MTMR2: variants seen among roughly 807,000 people sequenced by gnomAD.
The protein encoded by MTMR2 is myotubularin related protein 2.
Under a neutral mutation model 86.9 loss-of-function variants are expected in MTMR2, and 55 were observed. The ratio of observed to expected loss-of-function variants is 0.63; its 90% CI spans 0.51 to 0.79. The LOEUF is 0.79. Ranked by LOEUF, MTMR2 falls within the 30% of genes least tolerant of loss-of-function variation. The probability of loss-of-function intolerance (pLI) is 0.00; values close to 1 mark genes in which losing one functional copy is unlikely to be tolerated. For synonymous variants in MTMR2, 241 were observed against 266.8 expected (o/e 0.90, Z 0.94); for missense variants, 659 against 772.3 (o/e 0.85, Z 1.74).
At chr11:95,914,487 A>C (rs1390248300) in intron 1 of MTMR2, among the ~76,000 whole-genome samples, 2 of 152,166 alleles carry the variant, frequency 1.3e-5, no homozygotes, top group East Asian at 3.9e-4. Context: ...TTTGAATGAA[A>C]TGATACTACC....
chr11:95,918,640 C>A (rs1269470812), intron 1 of MTMR2, among the ~76,000 whole-genome samples: 1 of 152,092 alleles, frequency 6.6e-6, no homozygotes, highest in Non-Finnish European at 1.5e-5. Flanking sequence ...ATACAAGGTA[C>A]TACTAATAAT....
intron 1 of MTMR2, chr11:95,914,341 G>C: frequency 7.1e-6 from 7 of 984,086 alleles, no homozygotes; most frequent in Non-Finnish European, 8.4e-6. Context: ...GAACTTAGGG[G>C]AATTCAGAAA....
chr11:95,850,845 T>C, intron 7 of MTMR2, 96 bp from the exon 8 acceptor site: 1 of 1,128,382 alleles, frequency 8.9e-7, no homozygotes. Context: ...CTCTGACCTC[T>C]ACTATCCATC....
rs551765216 is a variant in MTMR2, at chr11:95,889,515, T to TG, written c.81-1255dup. 1.3e-3 allele frequency among the ~76,000 whole-genome samples: 153 copies of TG among 117,542 alleles called. 1 individual carries two copies. Among genetic ancestry groups the TG allele is most frequent in the African/African-American group, 5.0e-3 (143 of 28,738 alleles). The allele number at this position is 117,542 out of a possible 152,430, so 77.1% of individuals were successfully genotyped here. ...CCAAGAACAAAAATTATGTCTTTTT[T>TG]GGGGGGGGAGGGGGGCGGGGGAGAA... is the stretch of plus-strand genomic sequence containing the variant. On this transcript the variant is annotated intron_variant, in intron 1 of 14. Transcript: ENST00000346299.
At chr11:95,843,524 A>G (rs537691543) in intron 11 of MTMR2, among the ~76,000 whole-genome samples, 5 of 152,322 alleles carry the variant, frequency 3.3e-5, no homozygotes, top group African/African-American at 1.2e-4. Flanking sequence ...TCAAAGAAGA[A>G]TATCTACAAT....
chr11:95,841,519 C>T (rs890615661), intron 12 of MTMR2, 98 bp downstream of exon 12: 14 of 863,410 alleles, frequency 1.6e-5, no homozygotes, highest in African/African-American at 1.5e-4. Flanking sequence ...CAAGAATTTC[C>T]ATTTAATGAT....
chr11:95,840,391 A>G (rs1863494560), intron 12 of MTMR2, among the ~76,000 whole-genome samples: 1 of 152,118 alleles, frequency 6.6e-6, no homozygotes, highest in African/African-American at 2.4e-5. Flanking sequence ...CAAACATCCA[A>G]AAAAGGATTG....
intron 1 of MTMR2, among the ~76,000 whole-genome samples, chr11:95,900,345 C>A (rs942056839): frequency 6.6e-6 from 1 of 152,028 alleles, no homozygotes; most frequent in South Asian, 2.1e-4. Flanking sequence ...AGATATAAAA[C>A]AAGATTTAAT....
intron 1 of MTMR2, among the ~76,000 whole-genome samples, chr11:95,902,656 C>G (rs768803796): frequency 6.6e-6 from 1 of 152,138 alleles, no homozygotes; most frequent in Non-Finnish European, 1.5e-5. Context: ...TGACCTTTAT[C>G]TCTAGCTCTT....
At chr11:95,853,753 C>G (rs1400169599) in intron 7 of MTMR2, among the ~76,000 whole-genome samples, 1 of 152,116 alleles carries the variant, frequency 6.6e-6, no homozygotes, top group Admixed American at 6.5e-5. Flanking sequence ...CATATTTTAG[C>G]CACTAGTATT....
At position 95,835,469 on chromosome 11, in the gene MTMR2, A is replaced by G. The variant is rs745726744; in HGVS notation, c.1771-18T>C. 3 of 1,588,992 alleles carry G rather than the reference A, an allele frequency of 1.9e-6. No individual in the cohort carries two copies. ...ATAGGTTCCTGCAAGAGCAAAACAT[A>G]AAATATTCAACTAGGCAATCCTGAC... On this transcript the variant is annotated intron_variant, in intron 14 of 14. Coordinates refer to ENST00000346299, the MANE Select transcript of MTMR2 (RefSeq NM_016156.6).
chr11:95,857,574 G>C lies in MTMR2; in HGVS notation c.632C>G (p.Pro211Arg). The change falls in exon 7 of 15, where the codon CCT becomes CGT. Residue 211 changes from proline to arginine, a missense_variant. By Grantham distance (103) the Pro-to-Arg change is moderately radical (BLOSUM62 -2). This residue lies in a region of MTMR2 where 387 missense variants were observed against 526.3 expected (regional missense o/e 0.74). Transcript: ENST00000346299. ...TACCTGCCTTCTATACTCTAAAAGA[G>C]GGTCATATAGCTTCCACCCATTTTC... ...FPENGWKLYD[P>R]LLEYRRQGIP... 2 of 1,611,462 alleles carry C rather than the reference G, an allele frequency of 1.2e-6. No individual in the cohort carries two copies. Among genetic ancestry groups the C allele is most frequent in the African/African-American group, 1.3e-5 (1 of 74,924 alleles).
In MTMR2 at chr11:95,836,262, A is replaced by C; in HGVS notation, c.1656T>G (p.Thr552=). 1.2e-6 allele frequency: 2 copies of C among 1,613,068 alleles called. No individual in the cohort carries two copies. The highest frequency in any genetic ancestry group is 1.7e-6 in the Non-Finnish European group (2 of 1,179,204). ...SYINSQLEDF[T]NPLYGSYSNH... ...TGGAATAGCTCCCATAGAGAGGATTAGTGAAGTCTTCCAGCTGGCTGTTTA... is the reference window on the plus strand; with the variant it reads ...TGGAATAGCTCCCATAGAGAGGATTCGTGAAGTCTTCCAGCTGGCTGTTTA... The change falls in exon 14 of 15, where the codon ACT becomes ACG. Residue 552 remains threonine, a synonymous_variant. Transcript: ENST00000346299.
intron 1 of MTMR2, among the ~76,000 whole-genome samples, chr11:95,911,732 C>T (rs1292123365): frequency 6.6e-6 from 1 of 152,126 alleles, no homozygotes; most frequent in Non-Finnish European, 1.5e-5. Flanking sequence ...ATTAACCCTT[C>T]CATCCCAAAC....
In MTMR2 at chr11:95,862,030, G is replaced by T; in HGVS notation, c.430C>A (p.Arg144=). The T allele has an allele frequency of 6.2e-7, 1 of 1,613,614 alleles. No homozygotes were observed. The highest frequency in any genetic ancestry group is 1.1e-5 in the South Asian group (1 of 91,066). Residue 144 remains arginine (R), a synonymous_variant, in exon 5 of 15, where the codon CGA becomes AGA. Coordinates refer to ENST00000346299, the MANE Select transcript of MTMR2 (RefSeq NM_016156.6). ...RVEKIGGASS[R]GENSYGLETV... is the part of the protein sequence containing the mutation. Reference sequence around the variant, plus strand: ...TCTAGTCCATAAGAATTTTCACCTCGACTAGAAGCACCACCAATTTTTTCT... The same window carrying T: ...TCTAGTCCATAAGAATTTTCACCTCTACTAGAAGCACCACCAATTTTTTCT...
chr11:95,874,026 G>A (rs1288292879), intron 2 of MTMR2, among the ~76,000 whole-genome samples: 1 of 152,140 alleles, frequency 6.6e-6, no homozygotes, highest in African/African-American at 2.4e-5. Context: ...TATGTGGTCA[G>A]TTTTGGAACA....
At chr11:95,873,417 G>A (rs1332990444) in intron 2 of MTMR2, among the ~76,000 whole-genome samples, 1 of 152,148 alleles carries the variant, frequency 6.6e-6, no homozygotes, top group East Asian at 1.9e-4. Flanking sequence ...AGTATTCTCT[G>A]ATGGTAGTTT....
chr11:95,846,091 T>C (rs1210424114), intron 10 of MTMR2, among the ~76,000 whole-genome samples: 2 of 152,232 alleles, frequency 1.3e-5, no homozygotes, highest in South Asian at 2.1e-4. Context: ...CTTGACTATA[T>C]ATCAAGAGTC....
chr11:95,838,121 A>G lies in MTMR2; in HGVS notation c.1566T>C (p.Cys522=). Residue 522 remains cysteine, a synonymous_variant, in exon 13 of 15, where the codon TGT becomes TGC. Transcript: ENST00000346299. ...CTTTTCCTCTCTGTTGTTCACTATT[A>G]CAGAGGAATGTTCCGAATAAGCAGC... ...LYSCLFGTFL[C]NSEQQRGKEN... is the part of the protein sequence containing the mutation. The G allele has an allele frequency of 6.2e-7, 1 of 1,607,494 alleles. No homozygotes were observed. The highest frequency in any genetic ancestry group is 8.5e-7 in the Non-Finnish European group (1 of 1,174,286).
Sources: allele counts gnomAD v4.1 joint callset (sites outside exome capture counted in the v4.1 genomes callset), GRCh38; gene constraint gnomAD v4.1.1; regional missense constraint gnomAD v4.1.1; transcripts MANE v1.5; gene names NCBI Gene and HGNC (gene_info 2026-07-23, HGNC 2026-07-21).